SLC15A5: variants seen among roughly 807,000 people sequenced by gnomAD.
The protein encoded by SLC15A5 is Peptide/histidine transporter ENSP00000340402.
In SLC15A5, 58 loss-of-function variants were observed where a neutral mutation model predicts 56.1. The observed-to-expected ratio is 1.03, with a 90% CI of 0.84 to 1.29. SLC15A5 has a LOEUF of 1.29. Among genes scored for constraint, SLC15A5 ranks in the 50% most tolerant of loss-of-function variants. SLC15A5 has a pLI of 0.00. For synonymous variants in SLC15A5, 264 were observed against 250.5 expected (o/e 1.05, Z -0.51); for missense variants, 681 against 672.1 (o/e 1.01, Z -0.15).
intron 2 of SLC15A5, among the ~76,000 whole-genome samples, chr12:16,262,352 A>G (rs1319184554): frequency 2.0e-5 from 3 of 152,134 alleles, no homozygotes; most frequent in African/African-American, 4.8e-5. Flanking sequence ...TTATATATCA[A>G]TCATTAACTG....
Position 16,189,679 on chromosome 12 carries a change from T to G in SLC15A5, c.1729A>C (p.Thr577Pro). The G allele has an allele frequency of 6.6e-7, 1 of 1,512,094 alleles. No individual in the cohort carries two copies. The highest frequency in any genetic ancestry group is 8.8e-7 in the Non-Finnish European group (1 of 1,135,766). The allele number at this position is 1,512,094 out of a possible 1,614,324, so 93.7% of individuals were successfully genotyped here. A position where few individuals can be genotyped will look rare whatever the true frequency, so the allele number is the denominator to read the frequency against. The change falls in exon 9 of 9, where the codon ACA (threonine) becomes CCA (proline). Residue 577 changes from threonine (T) to proline (P), a missense_variant. By Grantham distance (38) the Thr-to-Pro change is conservative. Transcript: ENST00000344941. ...ACTCAAACACAGTTTCATAGGGCTG[T>G]CTCCCAAAGATCAATACTTGAAGAA... ...EFSSSIDLWE[T>P]AL
Position 16,272,660 on chromosome 12 carries a change from A to AT in SLC15A5, c.484dup (p.Ile162AsnfsTer33). 6.5e-7 allele frequency: 1 copy of AT among 1,537,120 alleles called. No individual in the cohort carries two copies. The highest frequency in any genetic ancestry group is 8.7e-7 in the Non-Finnish European group (1 of 1,146,750). ...TCTTACGCCTCCAATGCCAAGGCAAATGGTCAGCAGTGCTACATAAAACAG... is the reference window on the plus strand; with the variant it reads ...TCTTACGCCTCCAATGCCAAGGCAAATTGGTCAGCAGTGCTACATAAAACAG... On this transcript the variant is annotated frameshift_variant, in exon 2 of 9. Transcript: ENST00000344941. LOFTEE classifies it high-confidence loss of function.
At chr12:16,234,010 G>C (rs779259720) in intron 5 of SLC15A5, among the ~76,000 whole-genome samples, 10 of 152,268 alleles carry the variant, frequency 6.6e-5, no homozygotes, top group African/African-American at 9.6e-5. Context: ...TTCAAAAAAA[G>C]TGTGAGACTG....
chr12:16,216,014 A>AT (rs1415170715), intron 7 of SLC15A5, among the ~76,000 whole-genome samples: 3 of 152,126 alleles, frequency 2.0e-5, no homozygotes, highest in African/African-American at 4.8e-5. Flanking sequence ...ATAGAAGTTG[A>AT]TTTTTTTCCA....
At chr12:16,228,270 G>C (rs1396104568) in intron 5 of SLC15A5, among the ~76,000 whole-genome samples, 1 of 152,186 alleles carries the variant, frequency 6.6e-6, no homozygotes. Flanking sequence ...AACTGAAAGA[G>C]GATTGGGGAG....
At chr12:16,214,686 A>G (rs1727945729) in intron 7 of SLC15A5, among the ~76,000 whole-genome samples, 1 of 152,170 alleles carries the variant, frequency 6.6e-6, no homozygotes, top group African/African-American at 2.4e-5. Flanking sequence ...AGGAAGCTCC[A>G]CTTTTGGAAC....
intron 8 of SLC15A5, among the ~76,000 whole-genome samples, chr12:16,193,128 C>T (rs1863853981): frequency 6.6e-6 from 1 of 152,042 alleles, no homozygotes; most frequent in Non-Finnish European, 1.5e-5. Flanking sequence ...GGAATGAGGC[C>T]ATGTGAAATC....
chr12:16,203,183 G>A lies in SLC15A5; in HGVS notation c.1484-8730C>T, dbSNP rs368365648. Among the ~76,000 whole-genome samples the A allele has an allele frequency of 6.6e-5, 10 of 152,028 alleles. No homozygotes were observed. In the East Asian group the frequency reaches 1.7e-3, roughly 26 times the overall value. Reference sequence around the variant, plus strand: ...AGGTGGTGGACATGCTAATTAGACTGATTTGATCATTCCACAATGTATGCA... The same window carrying A: ...AGGTGGTGGACATGCTAATTAGACTAATTTGATCATTCCACAATGTATGCA... On this transcript the variant is annotated intron_variant, in intron 7 of 8. Coordinates refer to ENST00000344941, the MANE Select transcript of SLC15A5 (RefSeq NM_001170798.1).
intron 3 of SLC15A5, among the ~76,000 whole-genome samples, chr12:16,256,858 C>CAAA (rs370679232): frequency 7.6e-6 from 1 of 132,450 alleles, no homozygotes; most frequent in African/African-American, 2.8e-5. Context: ...GGCTCCGTCT[C>CAAA]AAAAAAAAAA....
chr12:16,191,556 A>G (rs1251427830), intron 8 of SLC15A5, among the ~76,000 whole-genome samples: 2 of 151,994 alleles, frequency 1.3e-5, no homozygotes, highest in African/African-American at 4.8e-5. Flanking sequence ...CTTGTAAGTA[A>G]TGTGTTTCAA....
chr12:16,197,152 T>A (rs111669160), intron 7 of SLC15A5, among the ~76,000 whole-genome samples: 1 of 152,276 alleles, frequency 6.6e-6, no homozygotes, highest in Admixed American at 6.5e-5. Flanking sequence ...CTTTCTATAA[T>A]GCTCCTGTAT....
intron 5 of SLC15A5, among the ~76,000 whole-genome samples, chr12:16,236,202 G>T (rs1223875741): frequency 6.6e-6 from 1 of 151,940 alleles, no homozygotes; most frequent in Non-Finnish European, 1.5e-5. Context: ...TAATGCTAAG[G>T]AAAGGAAATA....
At chr12:16,241,554 G>A (rs1231277522) in intron 4 of SLC15A5, among the ~76,000 whole-genome samples, 2 of 152,180 alleles carry the variant, frequency 1.3e-5, no homozygotes, top group Non-Finnish European at 2.9e-5. Flanking sequence ...TTGACCCTTA[G>A]CATAGTAAAC....
intron 2 of SLC15A5, among the ~76,000 whole-genome samples, chr12:16,260,390 G>A (rs543421376): frequency 2.6e-5 from 4 of 152,034 alleles, no homozygotes; most frequent in African/African-American, 7.2e-5. Flanking sequence ...ATCTCCCTAC[G>A]TTCGTTTGTT....
At chr12:16,264,914 G>T (rs12371894) in intron 2 of SLC15A5, among the ~76,000 whole-genome samples, 73,594 of 151,932 alleles carry the variant, frequency 0.48, 18,285 homozygotes, top group Non-Finnish European at 0.54. Flanking sequence ...CTAGTCTTGG[G>T]TATGTCTTTA....
At chr12:16,190,060 T>C (rs1385782585) in intron 8 of SLC15A5, among the ~76,000 whole-genome samples, 3 of 152,194 alleles carry the variant, frequency 2.0e-5, no homozygotes, top group Non-Finnish European at 2.9e-5. Context: ...CCTGCTACGC[T>C]GTCTTCAGTG....
At chr12:16,222,228 C>A (rs1864194773) in intron 6 of SLC15A5, among the ~76,000 whole-genome samples, 1 of 152,102 alleles carries the variant, frequency 6.6e-6, no homozygotes, top group African/African-American at 2.4e-5. Flanking sequence ...ATGAGAAAAG[C>A]CCAGAAATGA....
chr12:16,251,335 G>A (rs1223877721), intron 3 of SLC15A5, among the ~76,000 whole-genome samples: 4 of 151,630 alleles, frequency 2.6e-5, no homozygotes, highest in African/African-American at 9.7e-5. Context: ...AAATAATAAA[G>A]ATTAGAGCAG....
At chr12:16,265,269 G>T (rs1266986381) in intron 2 of SLC15A5, among the ~76,000 whole-genome samples, 1 of 152,150 alleles carries the variant, frequency 6.6e-6, no homozygotes, top group Non-Finnish European at 1.5e-5. Context: ...GCAAAGAAAA[G>T]AGATAGAAGT....
Sources: allele counts gnomAD v4.1 joint callset (sites outside exome capture counted in the v4.1 genomes callset), GRCh38; gene constraint gnomAD v4.1.1; transcripts MANE v1.5; gene names NCBI Gene and HGNC (gene_info 2026-07-23, HGNC 2026-07-21).